The following ZNF69 variants were observed in gnomAD, a reference collection of about 807,000 sequenced individuals.
ZNF69 encodes the protein zinc finger protein 69, also known as ZNF3.
ZNF69 carries 47 observed loss-of-function variants against 50.9 expected under a neutral mutation model. The observed-to-expected ratio is 0.92, with a 90% CI of 0.73 to 1.18. ZNF69 has a LOEUF of 1.18. Among genes scored for constraint, ZNF69 ranks in the 50% most tolerant of loss-of-function variants. The probability of loss-of-function intolerance (pLI) is 0.00; values close to 1 mark genes in which losing one functional copy is unlikely to be tolerated. For synonymous variants in ZNF69, 216 were observed against 223.1 expected (o/e 0.97, Z 0.29); for missense variants, 717 against 675.1 (o/e 1.06, Z -0.69).
At chr19:11,901,356 A>G (rs1972239976) in intron 1 of ZNF69, among the ~76,000 whole-genome samples, 2 of 152,202 alleles carry the variant, frequency 1.3e-5, no homozygotes, top group Non-Finnish European at 2.9e-5. Flanking sequence ...GTGAAAAATC[A>G]GACTTTGGCC....
At chr19:11,968,347 GC>G in the ZNF69 span, among the ~76,000 whole-genome samples, 1 of 152,026 alleles carries the variant, frequency 6.6e-6, no homozygotes, top group African/African-American at 2.4e-5. Context: ...GACCTCCCCA[GC>G]TCAAGCACCT....
the ZNF69 span, chr19:11,925,275 T>G: frequency 8.7e-6 from 14 of 1,611,944 alleles, no homozygotes; most frequent in Admixed American, 1.7e-5. Context: ...CGGGAAATGG[T>G]GCGTGTGCGG....
rs966363490 is a variant in ZNF69, at chr19:11,894,057, A to G, written c.63+6071A>G. On this transcript the variant is annotated intron_variant, in intron 1 of 3. Coordinates refer to ENST00000429654, the MANE Select transcript of ZNF69 (RefSeq NM_001364730.1). Reference sequence around the variant, plus strand: ...GGGACACAATGCAGTGTTGGTGGGAAATAGTCATTGAGCACTTCTCCTTTC... The same window carrying G: ...GGGACACAATGCAGTGTTGGTGGGAGATAGTCATTGAGCACTTCTCCTTTC... 5.3e-5 allele frequency among the ~76,000 whole-genome samples: 8 copies of G among 152,210 alleles called. 1 individual carries two copies. The highest frequency in any genetic ancestry group is 1.4e-4 in the African/African-American group (6 of 41,456).
the ZNF69 span, chr19:11,925,145 G>T: frequency 2.5e-5 from 39 of 1,587,418 alleles, no homozygotes; most frequent in Non-Finnish European, 3.4e-5. Flanking sequence ...GTTGGTAACC[G>T]GTCAGACCAG....
intron 1 of ZNF69, among the ~76,000 whole-genome samples, chr19:11,897,797 G>A (rs1474094594): frequency 6.7e-6 from 1 of 149,854 alleles, no homozygotes; most frequent in Non-Finnish European, 1.5e-5. Context: ...GCATGAACCC[G>A]GGAGGCGGAG....
At chr19:11,947,042 A>C in the ZNF69 span, 1 of 1,361,924 alleles carries the variant, frequency 7.3e-7, no homozygotes, top group Non-Finnish European at 9.8e-7. Context: ...GTATAGATGG[A>C]GAGAAAGGGA....
At chr19:11,892,803 G>T (rs938598592) in intron 1 of ZNF69, among the ~76,000 whole-genome samples, 4 of 152,110 alleles carry the variant, frequency 2.6e-5, no homozygotes, top group African/African-American at 7.2e-5. Context: ...TCAAGATAGA[G>T]ATCCACCAGC....
At chr19:11,930,962 G>A in the ZNF69 span, among the ~76,000 whole-genome samples, 1 of 145,486 alleles carries the variant, frequency 6.9e-6, no homozygotes, top group Non-Finnish European at 1.5e-5. Context: ...TTGCGCCATT[G>A]CTCTCTAGCC....
At chr19:11,892,076 C>CAA (rs1977104088) in intron 1 of ZNF69, among the ~76,000 whole-genome samples, 1 of 151,396 alleles carries the variant, frequency 6.6e-6, no homozygotes, top group African/African-American at 2.4e-5. Context: ...CTCCCTGGCT[C>CAA]AAGCACCTCA....
chr19:11,919,056 C>G (rs977046895), downstream of ZNF69, among the ~76,000 whole-genome samples: 2 of 151,916 alleles, frequency 1.3e-5, no homozygotes, highest in African/African-American at 2.4e-5. Flanking sequence ...CCACCACGCC[C>G]GGCTAATTTT....
At chr19:11,940,278 G>C in the ZNF69 span, among the ~76,000 whole-genome samples, 1 of 152,186 alleles carries the variant, frequency 6.6e-6, no homozygotes, top group East Asian at 1.9e-4. Flanking sequence ...ATTGTGTCCG[G>C]AATTGGTGGG....
chr19:11,919,690 CA>C, the ZNF69 span, among the ~76,000 whole-genome samples: 1 of 152,096 alleles, frequency 6.6e-6, no homozygotes, highest in South Asian at 2.1e-4. Context: ...GGAGGGCTCT[CA>C]CAATGGGATG....
chr19:11,919,438 C>T, the ZNF69 span, among the ~76,000 whole-genome samples: 2 of 152,146 alleles, frequency 1.3e-5, no homozygotes, highest in South Asian at 2.1e-4. Flanking sequence ...TACCCCTTGG[C>T]GTGTCTTGTA....
At chr19:11,950,358 T>C in the ZNF69 span, 1 of 1,182,708 alleles carries the variant, frequency 8.5e-7, no homozygotes, top group African/African-American at 1.5e-5. Context: ...TTCGATATCA[T>C]GAAAGGACTC....
chr19:11,927,979 G>A, the ZNF69 span, among the ~76,000 whole-genome samples: 1 of 152,000 alleles, frequency 6.6e-6, no homozygotes, highest in East Asian at 1.9e-4. Flanking sequence ...TTCCATAGAA[G>A]GCTGATGTAT....
At position 11,903,357 on chromosome 19, in the gene ZNF69, G is replaced by A. The variant is rs146789232; in HGVS notation, c.64-216G>A. 1.4e-4 allele frequency among the ~76,000 whole-genome samples: 22 copies of A among 151,974 alleles called. No individual in the cohort carries two copies. The East Asian group carries it at 2.1e-3, about 15-fold the overall frequency. Reference sequence around the variant, plus strand: ...AGTGGTAGAACCCCGGCAGTGAGCCGAGATCACGCCATTGCACTCCAGCCT... The same window carrying A: ...AGTGGTAGAACCCCGGCAGTGAGCCAAGATCACGCCATTGCACTCCAGCCT... On this transcript the variant is annotated intron_variant, in intron 1 of 3. Transcript: ENST00000429654.
At chr19:11,954,007 A>G in the ZNF69 span, among the ~76,000 whole-genome samples, 2 of 152,244 alleles carry the variant, frequency 1.3e-5, no homozygotes, top group Non-Finnish European at 2.9e-5. Context: ...ATTTTTACGT[A>G]TGCATGTTTT....
chr19:11,965,323 C>A, the ZNF69 span: 12 of 1,460,770 alleles, frequency 8.2e-6, no homozygotes, highest in Non-Finnish European at 1.0e-5. Flanking sequence ...GGGTCTGGGA[C>A]CGAGTCCTCC....
chr19:11,934,757 C>T, the ZNF69 span, among the ~76,000 whole-genome samples: 15 of 147,894 alleles, frequency 1.0e-4, 1 homozygote, highest in African/African-American at 3.7e-4. Flanking sequence ...AAACTCCTGA[C>T]CTCAGGTCAT....
Sources: gnomAD v4.1 joint callset for allele counts (sites outside exome capture counted in the v4.1 genomes callset) on GRCh38, gnomAD v4.1.1 for gene constraint, MANE v1.5 for transcripts, NCBI Gene and HGNC (gene_info 2026-07-23, HGNC 2026-07-21) for gene names.